Variants in LEKR1 observed in about 807,000 individuals in gnomAD.
LEKR1 encodes the protein leucine, glutamate and lysine rich 1.
LEKR1 carries 59 observed loss-of-function variants against 72.4 expected under a neutral mutation model. That is an observed-to-expected ratio of 0.82 (90% confidence interval 0.66 to 1.01). LEKR1 has a LOEUF of 1.01. LEKR1 is among the 50% of genes least tolerant of loss of function. The pLI, the probability that LEKR1 is intolerant of heterozygous loss-of-function variation, is 0.00. For missense variants in LEKR1, 728 were observed against 759.2 expected (o/e 0.96, Z 0.48); for synonymous variants, 257 against 263.2 (o/e 0.98, Z 0.23).
chr3:156,919,925 T>C (rs1025957272), intron 3 of LEKR1, among the ~76,000 whole-genome samples: 2 of 152,196 alleles, frequency 1.3e-5, no homozygotes, highest in South Asian at 2.1e-4. Context: ...AGTTAACTCA[T>C]GTTCTTCCAA....
rs1172158351 is a variant in LEKR1, at chr3:157,045,911, T to C, written c.*161T>C. 3.1e-6 allele frequency: 2 copies of C among 645,398 alleles called. No homozygotes were observed. The highest frequency in any genetic ancestry group is 4.6e-5 in the South Asian group (2 of 43,430). 40.0% of individuals were successfully genotyped at this position (645,398 alleles called of 1,614,324 possible). ...CAAAAGACTGTAAAAAGCTGGAAAATTGTGAAGCCTTATTTTTCAAGAGGG... is the reference window on the plus strand; with the variant it reads ...CAAAAGACTGTAAAAAGCTGGAAAACTGTGAAGCCTTATTTTTCAAGAGGG... On this transcript the variant is annotated 3_prime_UTR_variant, in exon 13 of 13. Coordinates refer to ENST00000356539, the MANE Select transcript of LEKR1 (RefSeq NM_001004316.3).
rs1425376439 is a variant in LEKR1 at position 156,920,598 on chromosome 3, TAAA to T, written c.290_292del (p.Lys97del). On this transcript the variant is annotated inframe_deletion, in exon 4 of 13. Coordinates refer to ENST00000356539, the MANE Select transcript of LEKR1 (RefSeq NM_001004316.3). Reference sequence around the variant, plus strand: ...AGAATTTACGATGTAGGCATGCAGTTAAAAAGTCAACAAAATGAATTTCAGAAA... The same window carrying T: ...AGAATTTACGATGTAGGCATGCAGTTAAGTCAACAAAATGAATTTCAGAAA... 2 of 1,471,912 alleles carry T rather than the reference TAAA, an allele frequency of 1.4e-6. No individual in the cohort carries two copies. Among genetic ancestry groups the T allele is most frequent in the Admixed American group, 2.1e-5 (1 of 47,688 alleles). 91.2% of individuals were successfully genotyped at this position (1,471,912 alleles called of 1,614,324 possible).
chr3:156,986,593 T>C (rs1730709238), intron 7 of LEKR1, among the ~76,000 whole-genome samples: 1 of 152,096 alleles, frequency 6.6e-6, no homozygotes. Flanking sequence ...GGTAGACAGT[T>C]GAGAGGCAGC....
chr3:156,852,159 A>C (rs1489905057), intron 2 of LEKR1: 1 of 152,216 alleles, frequency 6.6e-6, no homozygotes, highest in African/African-American at 2.4e-5. Flanking sequence ...CAGTAGTCTC[A>C]GTTTTTTAAA....
At chr3:156,929,085 T>C (rs542872514) in intron 5 of LEKR1, among the ~76,000 whole-genome samples, 1 of 151,154 alleles carries the variant, frequency 6.6e-6, no homozygotes, top group East Asian at 1.9e-4. Context: ...AAAGAAAATC[T>C]GAGTAAGCAA....
chr3:156,938,070 A>G (rs1488066352), intron 5 of LEKR1, among the ~76,000 whole-genome samples: 1 of 152,158 alleles, frequency 6.6e-6, no homozygotes, highest in Non-Finnish European at 1.5e-5. Context: ...TTGTGGTAAT[A>G]GAGCAATTTT....
chr3:157,044,653 C>T (rs1735619754), intron 12 of LEKR1, among the ~76,000 whole-genome samples: 1 of 152,178 alleles, frequency 6.6e-6, no homozygotes, highest in African/African-American at 2.4e-5. Context: ...TTCTTGAGGG[C>T]AGGGACTGTA....
chr3:157,005,294 G>T (rs1732335399), intron 9 of LEKR1, among the ~76,000 whole-genome samples: 1 of 152,034 alleles, frequency 6.6e-6, no homozygotes, highest in African/African-American at 2.4e-5. Context: ...ATCTTTTAAA[G>T]AAATTGAATT....
At chr3:156,943,389 T>C (rs953239938) in intron 6 of LEKR1, among the ~76,000 whole-genome samples, 2 of 151,910 alleles carry the variant, frequency 1.3e-5, no homozygotes, top group Admixed American at 1.3e-4. Context: ...ACTCACATTT[T>C]TTTAAGTCCT....
At chr3:156,899,671 T>C (rs1576778260) in intron 3 of LEKR1, among the ~76,000 whole-genome samples, 2 of 124,396 alleles carry the variant, frequency 1.6e-5, no homozygotes, top group Non-Finnish European at 3.4e-5. Flanking sequence ...TATATACACA[T>C]ATATACACGC....
At chr3:156,961,203 A>G (rs1728099524) in intron 6 of LEKR1, among the ~76,000 whole-genome samples, 1 of 152,238 alleles carries the variant, frequency 6.6e-6, no homozygotes, top group Non-Finnish European at 1.5e-5. Context: ...AATAACACAA[A>G]TACTTTAAAA....
chr3:156,924,587 C>T (rs2108574367), intron 4 of LEKR1: 2 of 627,492 alleles, frequency 3.2e-6, no homozygotes, highest in East Asian at 5.6e-5. Context: ...ATAGTTTTAG[C>T]TCTTCTTTAG....
intron 9 of LEKR1, among the ~76,000 whole-genome samples, chr3:156,995,684 T>C (rs1731502834): frequency 6.6e-6 from 1 of 152,148 alleles, no homozygotes; most frequent in Non-Finnish European, 1.5e-5. Context: ...CTACCAAAAT[T>C]AGCCGGGCAT....
chr3:156,900,001 G>T (rs896595370), intron 3 of LEKR1, among the ~76,000 whole-genome samples: 2 of 151,948 alleles, frequency 1.3e-5, no homozygotes, highest in African/African-American at 4.8e-5. Flanking sequence ...GGGTTTAAAA[G>T]GATTACAAAA....
chr3:156,928,812 A>G (rs1170904220), intron 5 of LEKR1, among the ~76,000 whole-genome samples: 1 of 152,118 alleles, frequency 6.6e-6, no homozygotes, highest in East Asian at 1.9e-4. Context: ...TGAGAAACAG[A>G]TTTAACACTC....
At chr3:156,916,136 A>T (rs886118093) in intron 3 of LEKR1, among the ~76,000 whole-genome samples, 1 of 152,092 alleles carries the variant, frequency 6.6e-6, no homozygotes, top group African/African-American at 2.4e-5. Flanking sequence ...TTTTTGTGCC[A>T]GTACTATGCT....
chr3:157,038,680 A>T (rs1477902482), intron 12 of LEKR1, among the ~76,000 whole-genome samples: 1 of 152,244 alleles, frequency 6.6e-6, no homozygotes, highest in African/African-American at 2.4e-5. Flanking sequence ...GAAAGACTGT[A>T]TTTAAAGAAG....
At chr3:157,040,486 T>C (rs946428096) in intron 12 of LEKR1, among the ~76,000 whole-genome samples, 1 of 152,224 alleles carries the variant, frequency 6.6e-6, no homozygotes, top group African/African-American at 2.4e-5. Context: ...CATTCTTCTC[T>C]TACCAAAAGG....
At chr3:156,910,868 G>A (rs1334963651) in intron 3 of LEKR1, among the ~76,000 whole-genome samples, 5 of 152,164 alleles carry the variant, frequency 3.3e-5, no homozygotes, top group Non-Finnish European at 7.3e-5. Flanking sequence ...TGTGGTTGCT[G>A]GGTTGAATTC....
Sources: allele counts gnomAD v4.1 joint callset (sites outside exome capture counted in the v4.1 genomes callset), GRCh38; gene constraint gnomAD v4.1.1; transcripts MANE v1.5; gene names NCBI Gene and HGNC (gene_info 2026-07-23, HGNC 2026-07-21).